The following RNF217 variants were observed in gnomAD, a reference collection of about 807,000 sequenced individuals.
The protein encoded by RNF217 is ring finger protein 217.
A neutral mutation model predicts 57.8 loss-of-function variants in RNF217; 31 were observed. The ratio of observed to expected loss-of-function variants is 0.54; its 90% CI spans 0.40 to 0.72. The LOEUF (loss-of-function observed/expected upper bound fraction) is 0.72. Ranked by LOEUF, RNF217 falls within the 30% of genes least tolerant of loss-of-function variation. The pLI is 0.00. For missense variants in RNF217, 696 were observed against 708.3 expected, an observed-to-expected ratio of 0.98 and a Z score of 0.20; for synonymous variants, 313 against 294.0, an observed-to-expected ratio of 1.06 and a Z score of -0.66.
At chr6:125,012,792 C>T (rs2114364778) in intron 1 of RNF217, among the ~76,000 whole-genome samples, 1 of 152,206 alleles carries the variant, frequency 6.6e-6, no homozygotes, top group East Asian at 1.9e-4. Context: ...TTTGGCTTTG[C>T]TAGCAAATCT....
At chr6:125,048,776 A>G (rs1397930198) in intron 2 of RNF217, among the ~76,000 whole-genome samples, 1 of 152,044 alleles carries the variant, frequency 6.6e-6, no homozygotes, top group Non-Finnish European at 1.5e-5. Context: ...AGAATATAAG[A>G]ATAAGCAGTA....
At position 125,091,004 on chromosome 6, in the gene RNF217, A is replaced by G. The variant is rs1214817781; in HGVS notation, c.*8067A>G. 3 of 152,196 alleles carry G rather than the reference A, an allele frequency of 2.0e-5. No individual in the cohort carries two copies. In the East Asian group the frequency reaches 5.8e-4, roughly 29 times the overall value. The allele number at this position is 152,196 out of a possible 1,614,324, so 9.4% of individuals were successfully genotyped here. On this transcript the variant is annotated 3_prime_UTR_variant, in exon 6 of 6. Coordinates refer to ENST00000521654, the MANE Select transcript of RNF217 (RefSeq NM_001286398.3). ...TCTCTCAAAAGAAATTGCAAAGGAA[A>G]AATTACGTTGAGATGAAATGTTGAG... is the stretch of plus-strand genomic sequence containing the variant.
rs1360828077 is a variant in RNF217, at chr6:125,091,488, G to A, written c.*8551G>A. On this transcript the variant is annotated 3_prime_UTR_variant, in exon 6 of 6. Transcript: ENST00000521654. Reference sequence around the variant, plus strand: ...AATCTACTGTATTATCTCTAAAACAGGTTAGCCAATGTATTTTTCTTAAAT... The same window carrying A: ...AATCTACTGTATTATCTCTAAAACAAGTTAGCCAATGTATTTTTCTTAAAT... 6.6e-6 allele frequency: 1 copy of A among 151,952 alleles called. No individual in the cohort carries two copies. The highest frequency in any genetic ancestry group is 2.4e-5 in the African/African-American group (1 of 41,392). The allele number at this position is 151,952 out of a possible 1,614,324, so 9.4% of individuals were successfully genotyped here. A position where few individuals can be genotyped will look rare whatever the true frequency, so the allele number is the denominator to read the frequency against.
intron 4 of RNF217, among the ~76,000 whole-genome samples, chr6:125,078,060 C>T (rs997147788): frequency 2.6e-5 from 4 of 152,144 alleles, no homozygotes; most frequent in African/African-American, 4.8e-5. Flanking sequence ...GTTAATGGAA[C>T]ATAATTTTCC....
At chr6:125,081,584 A>G in intron 5 of RNF217, 77 bp downstream of exon 5, 1 of 1,150,744 alleles carries the variant, frequency 8.7e-7, no homozygotes, top group South Asian at 1.3e-5. Context: ...ATGTAATAAT[A>G]TGAATCAGTT....
chr6:125,051,006 C>A (rs1787293644), intron 2 of RNF217, among the ~76,000 whole-genome samples: 1 of 152,042 alleles, frequency 6.6e-6, no homozygotes, highest in Middle Eastern at 3.4e-3. Flanking sequence ...AGCTATGATG[C>A]AAGCCTACTA....
chr6:125,062,252 C>T (rs9321016), intron 3 of RNF217, among the ~76,000 whole-genome samples: 9,274 of 151,986 alleles, frequency 0.061, 900 homozygotes, highest in African/African-American at 0.21. Flanking sequence ...TTACTTCTCT[C>T]TTAGTGAGTT....
chr6:124,990,293 T>C (rs1162796713), intron 1 of RNF217, among the ~76,000 whole-genome samples: 2 of 152,230 alleles, frequency 1.3e-5, no homozygotes, highest in Non-Finnish European at 2.9e-5. Context: ...ACTACTCTTA[T>C]TATCTTATCC....
intron 1 of RNF217, among the ~76,000 whole-genome samples, chr6:124,985,436 T>C (rs936709083): frequency 5.9e-5 from 9 of 152,234 alleles, no homozygotes; most frequent in African/African-American, 2.2e-4. Flanking sequence ...TTATTCTTTG[T>C]GTTACAAATA....
chr6:125,025,829 G>A (rs1378479871), intron 1 of RNF217, among the ~76,000 whole-genome samples: 2 of 152,188 alleles, frequency 1.3e-5, no homozygotes, highest in Non-Finnish European at 2.9e-5. Flanking sequence ...TTATGAGTGG[G>A]GAACAGAAAG....
At chr6:125,080,692 G>A (rs1788543812) in intron 4 of RNF217, among the ~76,000 whole-genome samples, 1 of 152,046 alleles carries the variant, frequency 6.6e-6, no homozygotes. Context: ...GTTGGACTCT[G>A]CTATGTATAC....
In RNF217 at chr6:125,045,549, C is replaced by T. The variant is rs191165248; in HGVS notation, c.1116+105C>T. ...AAGGGGGCATCTTTCCTTTATGGAG[C>T]TGAAGGTGAGCATATATTGGCCATC... On this transcript the variant is annotated intron_variant, in intron 2 of 5. Coordinates refer to ENST00000521654, the MANE Select transcript of RNF217 (RefSeq NM_001286398.3). The T allele has an allele frequency of 1.0e-4, 80 of 763,048 alleles. No homozygotes were observed. The African/African-American group carries it at 1.1e-3, about 11-fold the overall frequency. 47.3% of individuals were successfully genotyped at this position (763,048 alleles called of 1,614,324 possible). A position where few individuals can be genotyped will look rare whatever the true frequency, so the allele number is the denominator to read the frequency against.
At chr6:125,050,532 G>T (rs1259536682) in intron 2 of RNF217, among the ~76,000 whole-genome samples, 2 of 151,904 alleles carry the variant, frequency 1.3e-5, no homozygotes, top group Non-Finnish European at 2.9e-5. Context: ...TTCTCATGTG[G>T]TAAAAGAATT....
chr6:125,020,409 A>G (rs1785791941), intron 1 of RNF217, among the ~76,000 whole-genome samples: 2 of 152,312 alleles, frequency 1.3e-5, no homozygotes, highest in Non-Finnish European at 1.5e-5. Context: ...GCAGACAAAC[A>G]ATATTCTGTG....
At chr6:125,047,905 T>C (rs1382968069) in intron 2 of RNF217, among the ~76,000 whole-genome samples, 1 of 152,056 alleles carries the variant, frequency 6.6e-6, no homozygotes, top group Non-Finnish European at 1.5e-5. Context: ...ACCACAGAAT[T>C]TGAGGATGAT....
chr6:125,066,496 T>G (rs192139101), intron 3 of RNF217, among the ~76,000 whole-genome samples: 3 of 152,290 alleles, frequency 2.0e-5, no homozygotes, highest in African/African-American at 7.2e-5. Context: ...GCCTTGTCCC[T>G]CTGTCTGGAA....
rs1383390029 is a variant in RNF217, at chr6:125,089,754, G to A, written c.*6817G>A. ...AGCTATGCTGTCATTGGTTCTCTGC[G>A]AATCTGTGATGTGTTCACTTCGCCA... On this transcript the variant is annotated 3_prime_UTR_variant, in exon 6 of 6. Coordinates refer to ENST00000521654, the MANE Select transcript of RNF217 (RefSeq NM_001286398.3). The A allele has an allele frequency of 2.6e-5, 4 of 152,006 alleles. No homozygotes were observed. Among genetic ancestry groups the A allele is most frequent in the Admixed American group, 6.6e-5 (1 of 15,252 alleles). 9.4% of individuals were successfully genotyped at this position (152,006 alleles called of 1,614,324 possible). A position where few individuals can be genotyped will look rare whatever the true frequency, so the allele number is the denominator to read the frequency against.
At chr6:125,008,169 T>G (rs1191643722) in intron 1 of RNF217, among the ~76,000 whole-genome samples, 2 of 151,674 alleles carry the variant, frequency 1.3e-5, no homozygotes, top group African/African-American at 4.9e-5. Context: ...GGCAGGAGAA[T>G]GGCGTGAACC....
rs911325108 is a variant in RNF217, at chr6:125,088,748, G to A, written c.*5811G>A. On this transcript the variant is annotated 3_prime_UTR_variant, in exon 6 of 6. Transcript: ENST00000521654. ...TTTTTCTTCTAAAAATTTTCATTTG[G>A]TGTATCTAACTTTGTATCACTTAAA... is the stretch of plus-strand genomic sequence containing the variant. The A allele has an allele frequency of 8.6e-5, 13 of 151,794 alleles. No homozygotes were observed. Among genetic ancestry groups the A allele is most frequent in the African/African-American group, 3.1e-4 (13 of 41,312 alleles). 9.4% of individuals were successfully genotyped at this position (151,794 alleles called of 1,614,324 possible).
Sources: gnomAD v4.1 joint callset for allele counts (sites outside exome capture counted in the v4.1 genomes callset) on GRCh38, gnomAD v4.1.1 for gene constraint, MANE v1.5 for transcripts, NCBI Gene and HGNC (gene_info 2026-07-23, HGNC 2026-07-21) for gene names.